DACH2: variants seen among roughly 807,000 people sequenced by gnomAD.
DACH2 encodes the protein dachshund homolog 2.
In DACH2, 17 loss-of-function variants were observed where a neutral mutation model predicts 35.8. The ratio of observed to expected loss-of-function variants is 0.48; its 90% CI spans 0.33 to 0.71. The LOEUF is 0.71. Among genes scored for constraint, DACH2 ranks in the 30% least tolerant of loss-of-function variants. DACH2 has a pLI of 0.02. For missense variants in DACH2, 469 were observed against 472.7 expected, an observed-to-expected ratio of 0.99 and a Z score of 0.07; for synonymous variants, 195 against 177.3, an observed-to-expected ratio of 1.10 and a Z score of -0.79.
intron 1 of DACH2, among the ~76,000 whole-genome samples, chrX:86,340,295 G>T (rs1028437897): frequency 6.3e-5 from 7 of 111,086 alleles, no homozygotes; most frequent in African/African-American, 2.3e-4. Flanking sequence ...TTGACATTTT[G>T]GTAATTCTCA....
chrX:86,383,635 A>G (rs1444444775), intron 2 of DACH2, among the ~76,000 whole-genome samples: 24 of 103,282 alleles, frequency 2.3e-4, no homozygotes, highest in Non-Finnish European at 2.0e-5. Context: ...ATTTTCTTTT[A>G]TTATTGAAAA....
intron 4 of DACH2, among the ~76,000 whole-genome samples, chrX:86,689,788 G>A (rs919264833): frequency 9.0e-6 from 1 of 111,631 alleles, no homozygotes; most frequent in African/African-American, 3.2e-5. Context: ...TCACAGTTAA[G>A]GCCATAGTTT....
intron 6 of DACH2, among the ~76,000 whole-genome samples, chrX:86,729,781 T>C (rs2041511818): frequency 9.0e-6 from 1 of 111,113 alleles, no homozygotes; most frequent in Non-Finnish European, 1.9e-5. Context: ...CTCCACACCC[T>C]TTTTCCTGCT....
intron 6 of DACH2, among the ~76,000 whole-genome samples, chrX:86,729,759 T>C (rs772988241): frequency 9.0e-6 from 1 of 110,943 alleles, no homozygotes; most frequent in South Asian, 3.8e-4. Context: ...TTTAAAAATG[T>C]GTTGCACCTA....
intron 4 of DACH2, among the ~76,000 whole-genome samples, chrX:86,678,923 A>G (rs1289588568): frequency 1.8e-5 from 2 of 111,428 alleles, no homozygotes; most frequent in Non-Finnish European, 3.8e-5. Context: ...AGAGAAGGTG[A>G]AAAGTAGACA....
chrX:86,208,680 A>G (rs2032373904), intron 1 of DACH2, among the ~76,000 whole-genome samples: 1 of 111,344 alleles, frequency 9.0e-6, no homozygotes, highest in Non-Finnish European at 1.9e-5. Flanking sequence ...TTTATTTCTC[A>G]TGGACTCAAA....
At chrX:86,783,408 G>T (rs1407973861) in intron 7 of DACH2, among the ~76,000 whole-genome samples, 1 of 111,999 alleles carries the variant, frequency 8.9e-6, no homozygotes, top group East Asian at 2.8e-4. Flanking sequence ...CAGTCCTGCT[G>T]CTGGGTATAT....
chrX:86,752,462 G>A (rs2041784836), intron 7 of DACH2, among the ~76,000 whole-genome samples: 1 of 111,428 alleles, frequency 9.0e-6, no homozygotes, highest in South Asian at 3.7e-4. Context: ...TAAAAGGTTA[G>A]ACTTTTGAAA....
chrX:86,708,361 T>C (rs1198334637), intron 5 of DACH2, among the ~76,000 whole-genome samples: 4 of 111,287 alleles, frequency 3.6e-5, no homozygotes, highest in Non-Finnish European at 5.7e-5. Flanking sequence ...GGTTCAAAGA[T>C]GACTGATTAT....
chrX:86,773,871 C>G (rs1023318010), intron 7 of DACH2, among the ~76,000 whole-genome samples: 1 of 111,988 alleles, frequency 8.9e-6, no homozygotes, highest in African/African-American at 3.2e-5. Context: ...TCATTCCTAG[C>G]TCTAATCATT....
intron 2 of DACH2, among the ~76,000 whole-genome samples, chrX:86,474,660 C>G (rs1038924219): frequency 8.9e-6 from 1 of 111,940 alleles, no homozygotes; most frequent in Non-Finnish European, 1.9e-5. Flanking sequence ...GAAATGAGTT[C>G]ACTGTGTGTG....
At chrX:86,356,615 G>T (rs1433196539) in intron 1 of DACH2, among the ~76,000 whole-genome samples, 1 of 111,256 alleles carries the variant, frequency 9.0e-6, no homozygotes, top group Middle Eastern at 4.7e-3. Context: ...TCCGTAAATT[G>T]CTTTGGACAA....
chrX:86,229,694 G>T (rs1281972473), intron 1 of DACH2, among the ~76,000 whole-genome samples: 1 of 92,325 alleles, frequency 1.1e-5, no homozygotes, highest in Non-Finnish European at 2.1e-5. Context: ...CCTTTGTGAG[G>T]TATATTCCTA....
intron 2 of DACH2, among the ~76,000 whole-genome samples, chrX:86,507,659 A>G (rs775723844): frequency 1.1e-4 from 12 of 111,565 alleles, no homozygotes; most frequent in African/African-American, 3.9e-4. Flanking sequence ...TTTAAGTAGT[A>G]ATTGGAGAAA....
At chrX:86,503,430 G>A (rs1323102637) in intron 2 of DACH2, among the ~76,000 whole-genome samples, 3 of 112,182 alleles carry the variant, frequency 2.7e-5, no homozygotes, top group Non-Finnish European at 3.8e-5. Flanking sequence ...ATTAACTAGT[G>A]GAATTTGATT....
intron 4 of DACH2, among the ~76,000 whole-genome samples, chrX:86,693,993 T>TAAA (rs11442213): frequency 5.5e-5 from 6 of 108,150 alleles, no homozygotes; most frequent in African/African-American, 1.0e-4. Context: ...TTTTCTACAT[T>TAAA]AAAAAAAACA....
intron 2 of DACH2, among the ~76,000 whole-genome samples, chrX:86,508,217 T>C (rs2038351448): frequency 8.9e-6 from 1 of 111,781 alleles, no homozygotes; most frequent in African/African-American, 3.3e-5. Flanking sequence ...AGTGATATGA[T>C]ACACAATAGA....
chrX:86,679,683 C>T (rs1432666317), intron 4 of DACH2, among the ~76,000 whole-genome samples: 1 of 104,200 alleles, frequency 9.6e-6, no homozygotes, highest in Non-Finnish European at 1.9e-5. Context: ...TTTACCATGC[C>T]AGGTTGTCAG....
At chrX:86,653,694 C>G (rs1282947687) in intron 4 of DACH2, among the ~76,000 whole-genome samples, 3 of 82,113 alleles carry the variant, frequency 3.7e-5, no homozygotes, top group African/African-American at 1.5e-4. Flanking sequence ...GAGACGGAGT[C>G]TCACTCTATC....
Sources: allele counts gnomAD v4.1 joint callset (sites outside exome capture counted in the v4.1 genomes callset), GRCh38; gene constraint gnomAD v4.1.1; transcripts MANE v1.5; gene names NCBI Gene and HGNC (gene_info 2026-07-23, HGNC 2026-07-21).